The following RFC3 variants were observed in gnomAD, a reference collection of about 807,000 sequenced individuals.
The protein encoded by RFC3 is replication factor C subunit 3.
Under a neutral mutation model 45.1 loss-of-function variants are expected in RFC3, and 41 were observed. The observed-to-expected ratio is 0.91, with a 90% confidence interval of 0.71 to 1.18. RFC3 has a LOEUF of 1.18. RFC3 is among the 50% of genes most tolerant of loss of function. The probability of loss-of-function intolerance (pLI) is 0.00; values close to 1 mark genes in which losing one functional copy is unlikely to be tolerated. For synonymous variants in RFC3, 149 were observed against 144.0 expected, an observed-to-expected ratio of 1.03 and a Z score of -0.25; for missense variants, 423 against 428.1, an observed-to-expected ratio of 0.99 and a Z score of 0.10.
intron 8 of RFC3, among the ~76,000 whole-genome samples, chr13:33,870,792 A>G (rs2082402495): frequency 6.6e-6 from 1 of 152,228 alleles, no homozygotes; most frequent in African/African-American, 2.4e-5. Context: ...ATACTAGTCA[A>G]ACAGATCCCA....
chr13:33,946,816 G>A (rs146308628), intron 8 of RFC3, among the ~76,000 whole-genome samples: 2 of 152,330 alleles, frequency 1.3e-5, no homozygotes, highest in Admixed American at 6.5e-5. Context: ...AACTTGACAA[G>A]TGGCAGTTTC....
intron 8 of RFC3, among the ~76,000 whole-genome samples, chr13:33,900,845 A>T (rs533600603): frequency 1.2e-3 from 181 of 151,574 alleles, no homozygotes; most frequent in Middle Eastern, 0.01. Flanking sequence ...AAAAAAAAAA[A>T]AATAATAAAT....
chr13:33,856,191 C>T, intron 8 of RFC3, among the ~76,000 whole-genome samples: 1 of 152,130 alleles, frequency 6.6e-6, no homozygotes. Flanking sequence ...TGCAGCAACA[C>T]AGATGGAGCA....
At chr13:33,823,425 T>A (rs1331033516) in intron 2 of RFC3, among the ~76,000 whole-genome samples, 1 of 152,122 alleles carries the variant, frequency 6.6e-6, no homozygotes, top group Non-Finnish European at 1.5e-5. Flanking sequence ...ATGCCATAGG[T>A]TGGTGTGTGA....
downstream of RFC3, among the ~76,000 whole-genome samples, chr13:33,838,414 A>G (rs1223979883): frequency 6.6e-6 from 1 of 152,100 alleles, no homozygotes; most frequent in Non-Finnish European, 1.5e-5. Context: ...TTTACCATTT[A>G]TAGGATTCTT....
intron 8 of RFC3, among the ~76,000 whole-genome samples, chr13:33,906,730 A>T (rs1374009209): frequency 2.0e-5 from 3 of 152,166 alleles, no homozygotes; most frequent in Non-Finnish European, 4.4e-5. Flanking sequence ...ACAAAAAATT[A>T]AAAGATTAAT....
intron 8 of RFC3, among the ~76,000 whole-genome samples, chr13:33,904,276 A>C (rs755204417): frequency 6.6e-6 from 1 of 152,044 alleles, no homozygotes; most frequent in Non-Finnish European, 1.5e-5. Flanking sequence ...TTTCTAAAAA[A>C]TCAGTTGTTC....
Position 33,821,289 on chromosome 13 carries a change from G to A in RFC3, c.225+20G>A, listed in dbSNP as rs1343902238. Reference sequence around the variant, plus strand: ...ATCACAGTAAGCATTTCACTTTGAGGCCCTGAAAGTAATTTATAGCGGGGA... The same window carrying A: ...ATCACAGTAAGCATTTCACTTTGAGACCCTGAAAGTAATTTATAGCGGGGA... On this transcript the variant is annotated intron_variant, in intron 2 of 8. Transcript: ENST00000380071. 12 of 1,611,096 alleles carry A rather than the reference G, an allele frequency of 7.4e-6. No individual in the cohort carries two copies. In the Admixed American group the frequency reaches 2.0e-4, roughly 27 times the overall value.
chr13:33,845,194 G>T (rs1298129287), intron 8 of RFC3, among the ~76,000 whole-genome samples: 1 of 152,116 alleles, frequency 6.6e-6, no homozygotes, highest in Non-Finnish European at 1.5e-5. Context: ...TTCTGTTGCT[G>T]CTTTTAGGAT....
intron 8 of RFC3, among the ~76,000 whole-genome samples, chr13:33,895,001 C>T (rs1213024799): frequency 1.3e-5 from 2 of 152,056 alleles, no homozygotes; most frequent in Non-Finnish European, 2.9e-5. Context: ...CAAAAATCAA[C>T]TCATGATGGA....
intron 8 of RFC3, among the ~76,000 whole-genome samples, chr13:33,857,077 A>G (rs1239827513): frequency 6.6e-6 from 1 of 152,214 alleles, no homozygotes; most frequent in Non-Finnish European, 1.5e-5. Context: ...TAGTACTTTT[A>G]GATTTTCATG....
chr13:33,942,595 TC>T (rs2082931647), intron 8 of RFC3, among the ~76,000 whole-genome samples: 1 of 152,202 alleles, frequency 6.6e-6, no homozygotes, highest in Non-Finnish European at 1.5e-5. Context: ...TTTACAGACT[TC>T]CTGTGATGTC....
In RFC3 at chr13:33,884,650, C is replaced by T. The variant is rs150656123; in HGVS notation, c.879+49433C>T. Among the ~76,000 whole-genome samples, 324 of 152,300 alleles carry T rather than the reference C, an allele frequency of 2.1e-3. 1 individual carries two copies. The highest frequency in any genetic ancestry group is 7.3e-3 in the African/African-American group (305 of 41,580). On this transcript the variant is annotated intron_variant, in intron 8 of 8. Transcript: ENST00000434425. ...CAGAGCCCGCTCACCATGGCGACAG[C>T]GGCCACTCTATCGAATATTAAATCT...
chr13:33,892,657 A>G (rs2082571027), intron 8 of RFC3, among the ~76,000 whole-genome samples: 1 of 152,076 alleles, frequency 6.6e-6, no homozygotes, highest in Non-Finnish European at 1.5e-5. Flanking sequence ...ACTTATGAAC[A>G]TTTTTTCTTT....
chr13:33,851,206 G>C (rs1457101821), intron 8 of RFC3, among the ~76,000 whole-genome samples: 1 of 152,018 alleles, frequency 6.6e-6, no homozygotes. Context: ...GTCATCCAAG[G>C]GAAAATCTAC....
intron 8 of RFC3, among the ~76,000 whole-genome samples, chr13:33,879,753 T>A (rs1186582668): frequency 6.6e-6 from 1 of 152,240 alleles, no homozygotes; most frequent in Non-Finnish European, 1.5e-5. Context: ...TACATATCGC[T>A]TATCTTTTAC....
At chr13:33,971,118 A>G (rs1196384610), downstream of RFC3, among the ~76,000 whole-genome samples, 1 of 152,250 alleles carries the variant, frequency 6.6e-6, no homozygotes, top group African/African-American at 2.4e-5. Flanking sequence ...CAAAGTTGAT[A>G]TATTTGTTAA....
At chr13:33,925,495 AC>A (rs2082803382) in intron 8 of RFC3, among the ~76,000 whole-genome samples, 1 of 143,800 alleles carries the variant, frequency 7.0e-6, no homozygotes, top group South Asian at 2.2e-4. Context: ...TACATAGTGT[AC>A]TATATACATA....
intron 8 of RFC3, among the ~76,000 whole-genome samples, chr13:33,894,009 A>G (rs1207660918): frequency 6.6e-6 from 1 of 152,210 alleles, no homozygotes; most frequent in Non-Finnish European, 1.5e-5. Context: ...CAAAGGGCCA[A>G]GATGGCAGCT....
Sources: allele counts gnomAD v4.1 joint callset (sites outside exome capture counted in the v4.1 genomes callset), GRCh38; gene constraint gnomAD v4.1.1; transcripts MANE v1.5; gene names NCBI Gene and HGNC (gene_info 2026-07-23, HGNC 2026-07-21).